ZMAT4: variants seen among roughly 807,000 people sequenced by gnomAD.
ZMAT4 encodes zinc finger matrin-type 4.
In ZMAT4, 17 loss-of-function variants were observed where a neutral mutation model predicts 28.7. That is an observed-to-expected ratio of 0.59 (90% CI 0.41 to 0.89). The LOEUF (loss-of-function observed/expected upper bound fraction) is 0.89. Ranked by LOEUF, ZMAT4 falls within the 40% of genes least tolerant of loss-of-function variation. ZMAT4 has a pLI of 0.00. For synonymous variants in ZMAT4, 117 were observed against 109.2 expected, an observed-to-expected ratio of 1.07 and a Z score of -0.44; for missense variants, 240 against 283.8, an observed-to-expected ratio of 0.85 and a Z score of 1.11.
chr8:40,819,327 T>C (rs1019937845), intron 2 of ZMAT4, among the ~76,000 whole-genome samples: 2 of 152,170 alleles, frequency 1.3e-5, no homozygotes, highest in African/African-American at 4.8e-5. Flanking sequence ...TATAAAACTA[T>C]CACCCATAAC....
intron 5 of ZMAT4, among the ~76,000 whole-genome samples, chr8:40,604,367 A>T (rs2599687): frequency 6.6e-6 from 1 of 152,044 alleles, no homozygotes; most frequent in Admixed American, 6.5e-5. Context: ...TGTCATGGAC[A>T]ACTTTTATTA....
intron 1 of ZMAT4, among the ~76,000 whole-genome samples, chr8:40,875,630 G>A (rs1265508594): frequency 1.3e-5 from 2 of 152,288 alleles, no homozygotes; most frequent in Admixed American, 1.3e-4. Context: ...GGTGGTGGGT[G>A]TGTGAACTGA....
At chr8:40,894,234 A>C (rs114336158) in intron 1 of ZMAT4, among the ~76,000 whole-genome samples, 1 of 152,352 alleles carries the variant, frequency 6.6e-6, no homozygotes, top group African/African-American at 2.4e-5. Context: ...TGCCTCATGC[A>C]GGTCAGCTGC....
intron 5 of ZMAT4, among the ~76,000 whole-genome samples, chr8:40,616,697 G>C (rs568832254): frequency 2.6e-5 from 4 of 152,118 alleles, no homozygotes; most frequent in Non-Finnish European, 4.4e-5. Flanking sequence ...GAGAACACTT[G>C]GACACAGGAA....
chr8:40,888,788 G>A (rs937089353), intron 1 of ZMAT4, among the ~76,000 whole-genome samples: 10 of 152,246 alleles, frequency 6.6e-5, no homozygotes, highest in Admixed American at 5.2e-4. Flanking sequence ...GGGGGGGCCC[G>A]CAGTACCCAA....
chr8:40,767,680 C>G lies in ZMAT4; in HGVS notation c.153G>C (p.Arg51Ser). 2 of 1,613,118 alleles carry G rather than the reference C, an allele frequency of 1.2e-6. No homozygotes were observed. Among genetic ancestry groups the G allele is most frequent in the Non-Finnish European group, 1.7e-6 (2 of 1,179,670 alleles). The change falls in exon 3 of 7, where the codon AGG becomes AGC. Residue 51 changes from arginine (R) to serine (S), a missense_variant. Coordinates refer to ENST00000297737, the MANE Select transcript of ZMAT4 (RefSeq NM_024645.3). Reference sequence around the variant, plus strand: ...GCCTCTTGGCAGGACACCCTCCATCCCTGGGGTGAAGCATGTAATACAGTC... The same window carrying G: ...GCCTCTTGGCAGGACACCCTCCATCGCTGGGGTGAAGCATGTAATACAGTC... The part of the protein sequence containing the change: ...KVRLYYMLHP[R>S]DGGCPAKRLR...
intron 5 of ZMAT4, among the ~76,000 whole-genome samples, chr8:40,623,808 A>G (rs557577261): frequency 1.3e-5 from 2 of 152,344 alleles, no homozygotes; most frequent in East Asian, 3.9e-4. Flanking sequence ...CTCCACAGAA[A>G]TAGCAGAGTG....
At chr8:40,798,108 C>T (rs1167346151) in intron 2 of ZMAT4, among the ~76,000 whole-genome samples, 1 of 152,172 alleles carries the variant, frequency 6.6e-6, no homozygotes, top group African/African-American at 2.4e-5. Flanking sequence ...GCAGGGGGAA[C>T]CTCTACTTCA....
At chr8:40,609,742 G>A (rs930282714) in intron 5 of ZMAT4, among the ~76,000 whole-genome samples, 1 of 151,962 alleles carries the variant, frequency 6.6e-6, no homozygotes, top group African/African-American at 2.4e-5. Flanking sequence ...AACTGATCCA[G>A]GGCTCTTTGC....
At chr8:40,775,924 TG>T (rs1345822685) in intron 2 of ZMAT4, among the ~76,000 whole-genome samples, 4 of 152,120 alleles carry the variant, frequency 2.6e-5, no homozygotes, top group African/African-American at 9.7e-5. Context: ...TCTCTGTCCA[TG>T]TGCACAGAGA....
intron 3 of ZMAT4, among the ~76,000 whole-genome samples, chr8:40,700,341 T>C (rs1476662846): frequency 6.6e-6 from 1 of 151,032 alleles, no homozygotes; most frequent in African/African-American, 2.4e-5. Context: ...AATCACTTCG[T>C]GTCTAATTCA....
intron 6 of ZMAT4, among the ~76,000 whole-genome samples, chr8:40,542,734 G>A (rs890113166): frequency 5.3e-5 from 8 of 152,014 alleles, no homozygotes; most frequent in East Asian, 3.8e-4. Context: ...TTATACTATC[G>A]GGACAATGCT....
chr8:40,841,026 C>T (rs1001407517), intron 1 of ZMAT4, among the ~76,000 whole-genome samples: 2 of 152,306 alleles, frequency 1.3e-5, no homozygotes, highest in African/African-American at 4.8e-5. Flanking sequence ...ATAATGGAAA[C>T]TGTGTACAAT....
intron 5 of ZMAT4, among the ~76,000 whole-genome samples, chr8:40,646,897 C>T (rs1807343871): frequency 6.6e-6 from 1 of 152,180 alleles, no homozygotes; most frequent in Non-Finnish European, 1.5e-5. Context: ...AAACAGTATA[C>T]ATATTCTTCT....
At chr8:40,795,660 G>A (rs564876729) in intron 2 of ZMAT4, among the ~76,000 whole-genome samples, 41 of 152,136 alleles carry the variant, frequency 2.7e-4, no homozygotes, top group Non-Finnish European at 3.8e-4. Context: ...AGGAACTCAG[G>A]ATATAAACTT....
At chr8:40,662,480 G>A (rs1169206831) in intron 5 of ZMAT4, among the ~76,000 whole-genome samples, 1 of 152,134 alleles carries the variant, frequency 6.6e-6, no homozygotes, top group Admixed American at 6.5e-5. Flanking sequence ...ATAAATGGAT[G>A]CAGTAGTGCA....
At chr8:40,808,064 G>T (rs765765576) in intron 2 of ZMAT4, among the ~76,000 whole-genome samples, 1 of 152,132 alleles carries the variant, frequency 6.6e-6, no homozygotes, top group Non-Finnish European at 1.5e-5. Flanking sequence ...TAGGAAAAAT[G>T]CATTATCATA....
rs564724541 is a variant in ZMAT4, at chr8:40,672,685, A to G, written c.577+2019T>C. 2.0e-5 allele frequency among the ~76,000 whole-genome samples: 3 copies of G among 152,328 alleles called. No homozygotes were observed. In the East Asian group the frequency reaches 5.8e-4, roughly 29 times the overall value. ...AGGAATAATTTTTCTTCAAGTCATA[A>G]TAACTGGCACCAAACATAAAGTCCT... On this transcript the variant is annotated intron_variant, in intron 5 of 6. Transcript: ENST00000297737.
At chr8:40,541,014 G>A (rs1803011872) in intron 6 of ZMAT4, among the ~76,000 whole-genome samples, 1 of 152,140 alleles carries the variant, frequency 6.6e-6, no homozygotes. Flanking sequence ...TAGCAGCTCT[G>A]TAGCTCTTGC....
Sources: gnomAD v4.1 joint callset for allele counts (sites outside exome capture counted in the v4.1 genomes callset) on GRCh38, gnomAD v4.1.1 for gene constraint, MANE v1.5 for transcripts, NCBI Gene and HGNC (gene_info 2026-07-23, HGNC 2026-07-21) for gene names.